KDM2B: variants seen among roughly 807,000 people sequenced by gnomAD.
KDM2B encodes the protein lysine-specific demethylase 2B.
A neutral mutation model predicts 150.0 loss-of-function variants in KDM2B; 26 were observed. That is an observed-to-expected ratio of 0.17 (90% CI 0.13 to 0.24). The LOEUF is 0.24. KDM2B is among the 10% of genes least tolerant of loss of function. The pLI is 1.00. For missense variants in KDM2B, 1,265 were observed against 1,816.9 expected (o/e 0.70, Z 5.52); for synonymous variants, 734 against 729.5 (o/e 1.01, Z -0.10).
chr12:121,578,655 C>T (rs1237136940), intron 2 of KDM2B, 147 bp downstream of exon 2: 3 of 247,282 alleles, frequency 1.2e-5, no homozygotes, highest in East Asian at 9.2e-5. Flanking sequence ...CCCCACCCCA[C>T]CCCCCCAGTG....
chr12:121,502,760 C>CAA (rs3080029), intron 11 of KDM2B, among the ~76,000 whole-genome samples: 885 of 45,094 alleles, frequency 0.02, 51 homozygotes, highest in East Asian at 0.066. Context: ...CCATCTCTAC[C>CAA]AAAAAAAAAA....
chr12:121,419,155 T>G, the KDM2B span, among the ~76,000 whole-genome samples: 1 of 152,238 alleles, frequency 6.6e-6, no homozygotes, highest in Non-Finnish European at 1.5e-5. Flanking sequence ...TACCATATTT[T>G]TATTGTACCT....
chr12:121,459,084 C>CAAAAA (rs60165748), intron 12 of KDM2B, among the ~76,000 whole-genome samples: 19 of 102,438 alleles, frequency 1.9e-4, no homozygotes, highest in African/African-American at 6.5e-4. Flanking sequence ...GACTCTGCCT[C>CAAAAA]AAAAAAAAAA....
In KDM2B at chr12:121,467,730, C is replaced by A. The variant is rs1320991481; in HGVS notation, c.1735-14386G>T. On this transcript the variant is annotated intron_variant, in intron 12 of 22. Coordinates refer to ENST00000377071, the MANE Select transcript of KDM2B (RefSeq NM_032590.5). This position sits in a 1 kb window ranked among gnomAD's most constrained non-coding sequence, Gnocchi z 5.1. Reference sequence around the variant, plus strand: ...GGGTCCTTTGTGTGGTCCCGTGGGGCGTCTCGCGGAAGCCCGGGGGCGCCC... The same window carrying A: ...GGGTCCTTTGTGTGGTCCCGTGGGGAGTCTCGCGGAAGCCCGGGGGCGCCC... 1 of 152,038 alleles carries A rather than the reference C, an allele frequency of 6.6e-6. No individual in the cohort carries two copies. The highest frequency in any genetic ancestry group is 1.5e-5 in the Non-Finnish European group (1 of 68,034). The allele number at this position is 152,038 out of a possible 1,614,324, so 9.4% of individuals were successfully genotyped here.
chr12:121,423,578 A>G, the KDM2B span: 1 of 1,611,976 alleles, frequency 6.2e-7, no homozygotes, highest in East Asian at 2.2e-5. This position sits in a 1 kb window ranked among gnomAD's most constrained non-coding sequence, Gnocchi z 4.3. Flanking sequence ...AAGTCCTGAA[A>G]CAGGCTCCCC....
At chr12:121,491,049 C>T (rs917016646) in intron 12 of KDM2B, among the ~76,000 whole-genome samples, 3 of 152,138 alleles carry the variant, frequency 2.0e-5, no homozygotes, top group African/African-American at 4.8e-5. Flanking sequence ...GGCAGTCAGT[C>T]GTTTAGTTAC....
chr12:121,461,760 T>C (rs971316183), intron 12 of KDM2B, among the ~76,000 whole-genome samples: 1 of 152,126 alleles, frequency 6.6e-6, no homozygotes, highest in Non-Finnish European at 1.5e-5. Context: ...GGTACACACC[T>C]GGGAACCGAC....
In KDM2B at chr12:121,436,395, C is replaced by G. The variant is rs918324929; in HGVS notation, c.3829+3462G>C. On this transcript the variant is annotated intron_variant, in intron 22 of 22. Transcript: ENST00000377071. ...AATTAGCTGGGCGTGGTGGCGGGCA[C>G]CTGTAGTCCCAGCTACTCGGGAGGC... Among the ~76,000 whole-genome samples, 15 of 151,982 alleles carry G rather than the reference C, an allele frequency of 9.9e-5. 1 individual carries two copies. Among genetic ancestry groups the G allele is most frequent in the Non-Finnish European group, 7.4e-5 (5 of 67,996 alleles).
chr12:121,425,093 T>C (rs140581463), downstream of KDM2B, among the ~76,000 whole-genome samples: 8 of 152,068 alleles, frequency 5.3e-5, no homozygotes, highest in East Asian at 3.9e-4. Flanking sequence ...GGGTGGATCA[T>C]GAGGTCAAGA....
chr12:121,459,501 A>G (rs1196678911), intron 12 of KDM2B, among the ~76,000 whole-genome samples: 1 of 147,926 alleles, frequency 6.8e-6, no homozygotes, highest in Non-Finnish European at 1.5e-5. Flanking sequence ...CCAAAAGCAC[A>G]GGTGTCAAAA....
At chr12:121,580,663 T>C (rs1311719973) in intron 1 of KDM2B, 123 bp downstream of exon 1, 2 of 1,366,452 alleles carry the variant, frequency 1.5e-6, no homozygotes, top group Non-Finnish European at 9.8e-7. Context: ...AAGCCGAGCA[T>C]GCTGGCGTGA....
At chr12:121,420,914 A>G in the KDM2B span, 6 of 660,944 alleles carry the variant, frequency 9.1e-6, no homozygotes, top group Non-Finnish European at 1.6e-5. Context: ...AGTTAGTTAC[A>G]TGAGCCTGTT....
At chr12:121,444,588 C>G in intron 14 of KDM2B, 52 bp from the exon 15 acceptor site, 2 of 1,479,186 alleles carry the variant, frequency 1.4e-6, no homozygotes, top group South Asian at 2.3e-5. Context: ...AGATGGCCCA[C>G]GGGCACAAGG....
At chr12:121,539,837 T>C (rs1888460910) in intron 6 of KDM2B, among the ~76,000 whole-genome samples, 1 of 152,044 alleles carries the variant, frequency 6.6e-6, no homozygotes, top group African/African-American at 2.4e-5. Context: ...ACTCCCGAGT[T>C]TAAGAGATTC....
intron 8 of KDM2B, among the ~76,000 whole-genome samples, chr12:121,522,790 G>A (rs1034294604): frequency 7.9e-5 from 12 of 152,174 alleles, no homozygotes; most frequent in Non-Finnish European, 1.6e-4. Context: ...GGAGGTTGCA[G>A]TGAGCCAAGA....
At chr12:121,565,521 T>C (rs976069069) in intron 4 of KDM2B, among the ~76,000 whole-genome samples, 1 of 152,198 alleles carries the variant, frequency 6.6e-6, no homozygotes, top group Non-Finnish European at 1.5e-5. Context: ...TTCTCCATGT[T>C]ACTCAGGCTG....
At chr12:121,511,016 T>C (rs1452735121) in intron 10 of KDM2B, among the ~76,000 whole-genome samples, 1 of 147,508 alleles carries the variant, frequency 6.8e-6, no homozygotes, top group Non-Finnish European at 1.5e-5. Context: ...TTGTCTTTTC[T>C]CTTTTTTTTT....
At chr12:121,564,323 T>C (rs915697265) in intron 4 of KDM2B, among the ~76,000 whole-genome samples, 30 of 150,716 alleles carry the variant, frequency 2.0e-4, no homozygotes, top group Admixed American at 2.6e-4. Context: ...CCGGGCGTGG[T>C]GGCGGGCACC....
chr12:121,579,530 T>G (rs1303218753), intron 1 of KDM2B: 52 of 923,018 alleles, frequency 5.6e-5, no homozygotes, highest in African/African-American at 9.5e-5. Flanking sequence ...GAAGAGGAGG[T>G]GGGGGGAGGA....
Sources: gnomAD v4.1 joint callset for allele counts (sites outside exome capture counted in the v4.1 genomes callset) on GRCh38, gnomAD v4.1.1 for gene constraint, Gnocchi (gnomAD v3.1) non-coding constraint, MANE v1.5 for transcripts, NCBI Gene and HGNC (gene_info 2026-07-23, HGNC 2026-07-21) for gene names.